The following SLC25A48 variants were observed in gnomAD, a reference collection of about 807,000 sequenced individuals.
The protein encoded by SLC25A48 is solute carrier family 25 member 48.
SLC25A48 carries 29 observed loss-of-function variants against 32.2 expected under a neutral mutation model. The ratio of observed to expected loss-of-function variants is 0.90; its 90% CI spans 0.67 to 1.23. SLC25A48 has a LOEUF of 1.23. SLC25A48 is among the 50% of genes most tolerant of loss of function. The probability of loss-of-function intolerance (pLI) is 0.00; values close to 1 mark genes in which losing one functional copy is unlikely to be tolerated. For missense variants in SLC25A48, 399 were observed against 422.7 expected (o/e 0.94, Z 0.49); for synonymous variants, 164 against 172.3 (o/e 0.95, Z 0.38).
intron 3 of SLC25A48, among the ~76,000 whole-genome samples, chr5:135,735,715 A>G (rs1755344243): frequency 6.6e-6 from 1 of 152,168 alleles, no homozygotes; most frequent in Non-Finnish European, 1.5e-5. Context: ...GGCCAGAGAA[A>G]AAATTTCCTG....
intron 4 of SLC25A48, among the ~76,000 whole-genome samples, chr5:135,862,211 C>T (rs112245638): frequency 0.014 from 2,123 of 152,358 alleles, 39 homozygotes; most frequent in African/African-American, 0.045. Context: ...CTGCCTGAGC[C>T]ATGTCCTTCC....
chr5:135,662,989 T>C (rs1382878136), intron 3 of SLC25A48, among the ~76,000 whole-genome samples: 2 of 152,150 alleles, frequency 1.3e-5, no homozygotes, highest in Non-Finnish European at 2.9e-5. Flanking sequence ...CCAGGAATGC[T>C]CACAATGTTC....
At chr5:135,859,407 C>A (rs917384243) in intron 4 of SLC25A48, among the ~76,000 whole-genome samples, 19 of 152,166 alleles carry the variant, frequency 1.2e-4, no homozygotes, top group African/African-American at 4.1e-4. Context: ...GATTCAATTA[C>A]CTCCTACCAG....
At chr5:135,839,999 G>A (rs1314662317) in intron 1 of SLC25A48, among the ~76,000 whole-genome samples, 1 of 152,154 alleles carries the variant, frequency 6.6e-6, no homozygotes, top group Non-Finnish European at 1.5e-5. Context: ...ACCCAGGCTT[G>A]GGCATGTCTT....
rs140414712 is a variant in SLC25A48 at position 135,884,052 on chromosome 5, G to C, written c.*7+3955G>C. Among the ~76,000 whole-genome samples, 4 of 152,264 alleles carry C rather than the reference G, an allele frequency of 2.6e-5. No individual in the cohort carries two copies. The East Asian group carries it at 7.7e-4, about 29-fold the overall frequency. On this transcript the variant is annotated intron_variant, in intron 7 of 7. Coordinates refer to ENST00000681962, the MANE Select transcript of SLC25A48 (RefSeq NM_001349336.2). ...AGTGCCGTGGCAGCCACCACCAGCC[G>C]TGCAGAACTGTCATACAAAATGAAT...
intron 1 of SLC25A48, chr5:135,609,631 T>A (rs570480983): frequency 4.6e-5 from 7 of 152,206 alleles, no homozygotes; most frequent in African/African-American, 1.4e-4. Flanking sequence ...ATGAGTTCCA[T>A]TGACATCTCT....
chr5:135,676,755 T>C (rs1753775923), intron 3 of SLC25A48, among the ~76,000 whole-genome samples: 1 of 152,060 alleles, frequency 6.6e-6, no homozygotes, highest in African/African-American at 2.4e-5. Context: ...AATTTCTATG[T>C]ATTTGTACAG....
chr5:135,697,809 C>T (rs1754302602), intron 3 of SLC25A48, among the ~76,000 whole-genome samples: 1 of 152,194 alleles, frequency 6.6e-6, no homozygotes, highest in Admixed American at 6.5e-5. Context: ...CATCAGCAGG[C>T]TCCTGGCTGC....
chr5:135,749,605 G>T (rs1418747725), intron 3 of SLC25A48, among the ~76,000 whole-genome samples: 1 of 151,834 alleles, frequency 6.6e-6, no homozygotes, highest in Non-Finnish European at 1.5e-5. Flanking sequence ...GGGGTGGTGG[G>T]GGTGCGATGG....
intron 6 of SLC25A48, among the ~76,000 whole-genome samples, chr5:135,878,623 G>A (rs1276793186): frequency 6.6e-6 from 1 of 152,168 alleles, no homozygotes; most frequent in Non-Finnish European, 1.5e-5. Context: ...TGATATCCTA[G>A]CCAGTGACAG....
At chr5:135,879,939 C>T (rs140178347) in intron 6 of SLC25A48, 29 bp from the exon 7 acceptor site, 17 of 1,535,566 alleles carry the variant, frequency 1.1e-5, no homozygotes, top group Non-Finnish European at 1.4e-5. Flanking sequence ...TGGGTCAGTC[C>T]CCTGCAATAA....
Position 135,699,318 on chromosome 5 carries a change from C to T in SLC25A48, c.-521+64362C>T, listed in dbSNP as rs555786939. ...TTTTAAATGTGATGTGTATACATTA[C>T]GATGTGATATTATGCATCAAGGAGA... On this transcript the variant is annotated intron_variant, in intron 3 of 10. Coordinates refer to the SLC25A48 transcript ENST00000646290. Among the ~76,000 whole-genome samples, 15 of 151,648 alleles carry T rather than the reference C, an allele frequency of 9.9e-5. No homozygotes were observed. The South Asian group carries it at 1.7e-3, about 17-fold the overall frequency.
intron 3 of SLC25A48, among the ~76,000 whole-genome samples, chr5:135,797,276 G>A (rs1163262507): frequency 6.6e-6 from 1 of 151,934 alleles, no homozygotes; most frequent in Admixed American, 6.6e-5. Flanking sequence ...CACAGGGGCT[G>A]TGACATTGTT....
At chr5:135,728,169 T>G (rs1164089969) in intron 3 of SLC25A48, among the ~76,000 whole-genome samples, 1 of 149,826 alleles carries the variant, frequency 6.7e-6, no homozygotes, top group Non-Finnish European at 1.5e-5. Context: ...GGCACGAGAA[T>G]AAGTGGAACC....
chr5:135,839,838 A>T (rs1262032175), intron 1 of SLC25A48, among the ~76,000 whole-genome samples: 1 of 152,142 alleles, frequency 6.6e-6, no homozygotes, highest in Non-Finnish European at 1.5e-5. Context: ...ATGAGACTTG[A>T]TGGCTTTATA....
At chr5:135,832,089 C>T (rs1055860823), upstream of SLC25A48, among the ~76,000 whole-genome samples, 7 of 152,032 alleles carry the variant, frequency 4.6e-5, no homozygotes, top group Non-Finnish European at 8.8e-5. Flanking sequence ...GAGGCACTGG[C>T]GGAGGAAGAG....
chr5:135,681,367 T>C (rs1231101519), intron 3 of SLC25A48, among the ~76,000 whole-genome samples: 2 of 152,268 alleles, frequency 1.3e-5, no homozygotes, highest in African/African-American at 4.8e-5. Flanking sequence ...TCATCCAATG[T>C]ATTTTTCATT....
At chr5:135,789,719 A>G (rs755880362) in intron 3 of SLC25A48, among the ~76,000 whole-genome samples, 1 of 110,584 alleles carries the variant, frequency 9.0e-6, no homozygotes, top group Non-Finnish European at 2.2e-5. Flanking sequence ...CTTCTGTGAT[A>G]TGGTTCTTAA....
At chr5:135,792,372 C>T (rs141610589) in intron 3 of SLC25A48, among the ~76,000 whole-genome samples, 60 of 151,542 alleles carry the variant, frequency 4.0e-4, no homozygotes, top group African/African-American at 1.4e-3. Context: ...GTGTGTACAC[C>T]ACAGGGGGTG....
Sources: allele counts gnomAD v4.1 joint callset (sites outside exome capture counted in the v4.1 genomes callset), GRCh38; gene constraint gnomAD v4.1.1; transcripts MANE v1.5; gene names NCBI Gene and HGNC (gene_info 2026-07-23, HGNC 2026-07-21).